Variants in SLC1A2 observed in about 807,000 individuals in gnomAD.
The protein encoded by SLC1A2 is solute carrier family 1 member 2.
Under a neutral mutation model 48.8 loss-of-function variants are expected in SLC1A2, and 15 were observed. That is an observed-to-expected ratio of 0.31 (90% confidence interval 0.21 to 0.47). The LOEUF is 0.47. Among genes scored for constraint, SLC1A2 ranks in the 20% least tolerant of loss-of-function variants. The pLI is 0.99. For missense variants in SLC1A2, 502 were observed against 730.5 expected, an observed-to-expected ratio of 0.69 and a Z score of 3.61; for synonymous variants, 279 against 272.6, an observed-to-expected ratio of 1.02 and a Z score of -0.23.
In SLC1A2 at chr11:35,254,732, C is replaced by G. The variant is rs1471264478; in HGVS notation, c.*6162G>C. 2.2e-6 allele frequency: 1 copy of G among 454,166 alleles called. No homozygotes were observed. Among genetic ancestry groups the G allele is most frequent in the Non-Finnish European group, 4.4e-6 (1 of 226,416 alleles). The allele number at this position is 454,166 out of a possible 1,614,324, so 28.1% of individuals were successfully genotyped here. The stretch of plus-strand genomic sequence containing the variant: ...AACTGAGGACCTGTTGCTACCCATT[C>G]TCTAGGTCAACTTCTGACTCTACAA... On this transcript the variant is annotated 3_prime_UTR_variant, in exon 11 of 11. Transcript: ENST00000278379.
At chr11:35,275,350 C>G (rs1378694892) in intron 9 of SLC1A2, among the ~76,000 whole-genome samples, 3 of 152,212 alleles carry the variant, frequency 2.0e-5, no homozygotes, top group African/African-American at 7.2e-5. Context: ...CTTTTCCTAC[C>G]TGTAGCCAGA....
chr11:35,397,751 C>T (rs1375622675), intron 1 of SLC1A2, among the ~76,000 whole-genome samples: 1 of 152,126 alleles, frequency 6.6e-6, no homozygotes, highest in Non-Finnish European at 1.5e-5. Flanking sequence ...TCACCCCTTC[C>T]ACCAGGTCAG....
chr11:35,254,646 A>G lies in SLC1A2; in HGVS notation c.*6248T>C. ...TCCATCTCCAGTGAGGATGATGACA[A>G]GGCTAACAGTCAGTTGTCAGGTTTC... On this transcript the variant is annotated 3_prime_UTR_variant, in exon 11 of 11. Coordinates refer to ENST00000278379, the MANE Select transcript of SLC1A2 (RefSeq NM_004171.4). 2.8e-6 allele frequency: 1 copy of G among 362,132 alleles called. No homozygotes were observed. The highest frequency in any genetic ancestry group is 2.1e-5 in the South Asian group (1 of 48,572). The allele number at this position is 362,132 out of a possible 1,614,324, so 22.4% of individuals were successfully genotyped here.
chr11:35,352,675 C>T (rs1170347287), intron 1 of SLC1A2, among the ~76,000 whole-genome samples: 4 of 151,758 alleles, frequency 2.6e-5, no homozygotes, highest in Non-Finnish European at 5.9e-5. Context: ...TCAGGGCATG[C>T]TCACTGCACT....
At chr11:35,363,538 TC>T (rs1443852837) in intron 1 of SLC1A2, among the ~76,000 whole-genome samples, 11 of 151,980 alleles carry the variant, frequency 7.2e-5, no homozygotes, top group Non-Finnish European at 1.3e-4. Context: ...GGATACAAGT[TC>T]CCCCAGGGAC....
intron 8 of SLC1A2, 40 bp downstream of exon 8, chr11:35,286,717 A>T: frequency 6.8e-7 from 1 of 1,476,860 alleles, no homozygotes; most frequent in Non-Finnish European, 9.2e-7. Flanking sequence ...GAGGGGAAAC[A>T]GGGTAGAGGT....
At chr11:35,271,872 C>T (rs896049988) in intron 9 of SLC1A2, among the ~76,000 whole-genome samples, 3 of 152,066 alleles carry the variant, frequency 2.0e-5, no homozygotes, top group African/African-American at 7.2e-5. Flanking sequence ...GTTTTAACAA[C>T]AAAGAGGTCA....
chr11:35,408,357 A>G (rs370511535), intron 1 of SLC1A2, among the ~76,000 whole-genome samples: 3 of 152,176 alleles, frequency 2.0e-5, no homozygotes, highest in East Asian at 1.9e-4. Context: ...CAGAATTCCC[A>G]TGTGCTGTGG....
intron 5 of SLC1A2, among the ~76,000 whole-genome samples, chr11:35,304,644 A>C (rs1038401304): frequency 6.6e-6 from 1 of 152,028 alleles, no homozygotes; most frequent in Non-Finnish European, 1.5e-5. Flanking sequence ...TGCCAAGCCA[A>C]ACAAAAAAGA....
chr11:35,400,843 C>T (rs148788938), intron 1 of SLC1A2, among the ~76,000 whole-genome samples: 1 of 152,170 alleles, frequency 6.6e-6, no homozygotes, highest in African/African-American at 2.4e-5. Context: ...CGTGACATAA[C>T]CCCAGGAGAT....
At chr11:35,399,707 G>T in intron 1 of SLC1A2, 1 of 583,864 alleles carries the variant, frequency 1.7e-6, no homozygotes, top group Non-Finnish European at 2.2e-6. Flanking sequence ...GAAGAAACCA[G>T]CCCTGAATAA....
chr11:35,322,037 A>G (rs2134934147), intron 1 of SLC1A2, among the ~76,000 whole-genome samples: 1 of 152,238 alleles, frequency 6.6e-6, no homozygotes, highest in South Asian at 2.1e-4. Context: ...CGATCTCTCA[A>G]ATGGCCTCCA....
intron 1 of SLC1A2, among the ~76,000 whole-genome samples, chr11:35,418,170 G>T (rs1855668053): frequency 6.6e-6 from 1 of 152,110 alleles, no homozygotes; most frequent in African/African-American, 2.4e-5. Context: ...GCCCCCTGCA[G>T]CCCCTTCTGT....
chr11:35,382,509 C>T (rs1854460891), intron 1 of SLC1A2, among the ~76,000 whole-genome samples: 1 of 152,186 alleles, frequency 6.6e-6, no homozygotes, highest in Admixed American at 6.5e-5. Flanking sequence ...TAACATTCCT[C>T]CTAAGGCTGG....
intron 1 of SLC1A2, among the ~76,000 whole-genome samples, chr11:35,370,079 C>T (rs1379851598): frequency 6.6e-6 from 1 of 152,194 alleles, no homozygotes; most frequent in Non-Finnish European, 1.5e-5. Flanking sequence ...GGCTGTAGCA[C>T]AGTTGTCAGT....
chr11:35,377,276 G>C (rs1355060848), intron 1 of SLC1A2, among the ~76,000 whole-genome samples: 1 of 152,212 alleles, frequency 6.6e-6, no homozygotes, highest in Admixed American at 6.5e-5. Flanking sequence ...GAAACCACGT[G>C]TCTCAAGAGA....
chr11:35,335,539 G>A (rs1031260672), intron 1 of SLC1A2, among the ~76,000 whole-genome samples: 2 of 152,166 alleles, frequency 1.3e-5, no homozygotes, highest in Non-Finnish European at 2.9e-5. Context: ...TATAGCTGAA[G>A]GAAATGCTCA....
intron 1 of SLC1A2, among the ~76,000 whole-genome samples, chr11:35,394,790 T>C (rs1200937270): frequency 1.3e-5 from 2 of 152,170 alleles, no homozygotes; most frequent in African/African-American, 4.8e-5. Flanking sequence ...TGTTAAGCCG[T>C]TGGGCACGAC....
At chr11:35,372,558 C>T (rs1485914381) in intron 1 of SLC1A2, among the ~76,000 whole-genome samples, 1 of 152,178 alleles carries the variant, frequency 6.6e-6, no homozygotes, top group African/African-American at 2.4e-5. Context: ...AGCAAAGGAC[C>T]AGCCACAAAT....
Sources: allele counts gnomAD v4.1 joint callset (sites outside exome capture counted in the v4.1 genomes callset), GRCh38; gene constraint gnomAD v4.1.1; transcripts MANE v1.5; gene names NCBI Gene and HGNC (gene_info 2026-07-23, HGNC 2026-07-21).